The following SEMA5B variants were observed in gnomAD, a reference collection of about 807,000 sequenced individuals.
SEMA5B encodes the protein semaphorin 5B.
SEMA5B carries 66 observed loss-of-function variants against 135.0 expected under a neutral mutation model. The observed-to-expected ratio is 0.49, with a 90% CI of 0.40 to 0.60. The LOEUF is 0.60. Ranked by LOEUF, SEMA5B falls within the 20% of genes least tolerant of loss-of-function variation. The pLI is 0.00. For synonymous variants in SEMA5B, 690 were observed against 639.5 expected, an observed-to-expected ratio of 1.08 and a Z score of -1.19; for missense variants, 1,501 against 1,566.3, an observed-to-expected ratio of 0.96 and a Z score of 0.70.
chr3:122,919,766 A>G (rs1357472793), intron 12 of SEMA5B, among the ~76,000 whole-genome samples: 1 of 152,122 alleles, frequency 6.6e-6, no homozygotes, highest in African/African-American at 2.4e-5. Flanking sequence ...GGATTCACCT[A>G]TAGTTTTTTA....
chr3:123,016,490 AGTT>A (rs1263631458), intron 1 of SEMA5B, among the ~76,000 whole-genome samples: 2 of 152,222 alleles, frequency 1.3e-5, no homozygotes, highest in Non-Finnish European at 2.9e-5. Context: ...CTACGTAAAT[AGTT>A]GTTATACTGT....
rs527276367 is a variant in SEMA5B, at chr3:122,944,699, G to A, written c.329-1164C>T. Reference sequence around the variant, plus strand: ...AGAGGAGACCTCACGGCCTCTGGGCGGATGGGGAGTGGTCTGGGAGGGCCT... The same window carrying A: ...AGAGGAGACCTCACGGCCTCTGGGCAGATGGGGAGTGGTCTGGGAGGGCCT... On this transcript the variant is annotated intron_variant, in intron 3 of 22. Coordinates refer to ENST00000357599, the MANE Select transcript of SEMA5B (RefSeq NM_001031702.4). Among the ~76,000 whole-genome samples, 20 of 51,350 alleles carry A rather than the reference G, an allele frequency of 3.9e-4. No homozygotes were observed. The South Asian group carries it at 0.018, about 47-fold the overall frequency. The allele number at this position is 51,350 out of a possible 152,430, so 33.7% of individuals were successfully genotyped here.
intron 8 of SEMA5B, 37 bp from the exon 9 acceptor site, chr3:122,926,714 C>G (rs994349283): frequency 1.3e-6 from 2 of 1,595,736 alleles, no homozygotes; most frequent in African/African-American, 2.7e-5. Context: ...GCAGGGCAGG[C>G]CAGCGGGGAA....
intron 1 of SEMA5B, among the ~76,000 whole-genome samples, chr3:122,983,454 G>A (rs562151989): frequency 6.6e-6 from 1 of 152,058 alleles, no homozygotes; most frequent in South Asian, 2.1e-4. Context: ...CGCGGGGCGG[G>A]GACGGGGCGG....
intron 1 of SEMA5B, among the ~76,000 whole-genome samples, chr3:123,009,948 C>T (rs1288692784): frequency 6.6e-6 from 1 of 152,172 alleles, no homozygotes; most frequent in Non-Finnish European, 1.5e-5. Context: ...AGGGAGACGG[C>T]ATGGTGATGC....
intron 9 of SEMA5B, 25 bp downstream of exon 9, chr3:122,926,367 G>A: frequency 6.3e-7 from 1 of 1,594,342 alleles, no homozygotes; most frequent in Non-Finnish European, 8.6e-7. Flanking sequence ...TCACAGGCAA[G>A]GGGCTGGCAG....
At chr3:122,988,179 G>A (rs1023927735) in intron 1 of SEMA5B, among the ~76,000 whole-genome samples, 15 of 152,160 alleles carry the variant, frequency 9.9e-5, no homozygotes, top group African/African-American at 3.6e-4. Context: ...GCTGCTGCTG[G>A]TGCAAGGAAC....
intron 5 of SEMA5B, among the ~76,000 whole-genome samples, chr3:122,937,189 C>T (rs1020655741): frequency 1.3e-5 from 2 of 152,230 alleles, no homozygotes; most frequent in African/African-American, 2.4e-5. Context: ...CAAAGTGGTA[C>T]AGATCATTTT....
rs748043665 is a variant in SEMA5B at position 122,911,065 on chromosome 3, T to C, written c.3092-20A>G. 20 of 1,591,052 alleles carry C rather than the reference T, an allele frequency of 1.3e-5. No individual in the cohort carries two copies. The South Asian group carries it at 2.1e-4, about 17-fold the overall frequency. On this transcript the variant is annotated intron_variant, in intron 21 of 22. Transcript: ENST00000357599. ...TGAACCCTAGGGGAAGAGAGGCAGG[T>C]AGTAAGATGAGGGCCACTGTGAAGA...
chr3:122,921,932 G>T lies in SEMA5B; in HGVS notation c.1671C>A (p.Ala557=). The stretch of plus-strand genomic sequence containing the variant: ...CGGCTTACCCCTGGCTGCGGTAGGC[G>T]GCGCACCTCTCCAGTGGGACCCGCA... ...GVLRVPLERC[A]AYRSQGACLG... Residue 557 remains alanine (A), a synonymous_variant, in exon 12 of 23, where the codon GCC becomes GCA. Coordinates refer to ENST00000357599, the MANE Select transcript of SEMA5B (RefSeq NM_001031702.4). 2 of 1,533,992 alleles carry T rather than the reference G, an allele frequency of 1.3e-6. No homozygotes were observed. Among genetic ancestry groups the T allele is most frequent in the Non-Finnish European group, 1.7e-6 (2 of 1,145,364 alleles).
chr3:122,910,915 A>G lies in SEMA5B; in HGVS notation c.3222T>C (p.Pro1074=). 6.2e-7 allele frequency: 1 copy of G among 1,613,702 alleles called. No individual in the cohort carries two copies. Among genetic ancestry groups the G allele is most frequent in the Non-Finnish European group, 8.5e-7 (1 of 1,179,978 alleles). Residue 1074 remains proline, a synonymous_variant, in exon 22 of 23, where the codon CCT becomes CCC. Transcript: ENST00000357599. ...TGTAGTGCAAATGGTTGGGGGTGGC[A>G]GGATGGACCAGTGTGGACTCCTGGG... ...RQSQESTLVH[P]ATPNHLHYKG... is the part of the protein sequence containing the mutation.
chr3:122,918,946 A>T (rs1938208287), intron 12 of SEMA5B, among the ~76,000 whole-genome samples: 1 of 149,426 alleles, frequency 6.7e-6, no homozygotes, highest in African/African-American at 2.5e-5. Context: ...GGCAGTTTAG[A>T]GTCCTTTTCA....
chr3:122,912,451 A>G (rs913458532), intron 18 of SEMA5B, 109 bp from the exon 19 acceptor site: 2 of 1,042,070 alleles, frequency 1.9e-6, no homozygotes, highest in Admixed American at 3.2e-5. Context: ...AGTGACCTCA[A>G]CATCCACCCG....
At chr3:123,000,937 G>A (rs1327122705) in intron 1 of SEMA5B, among the ~76,000 whole-genome samples, 1 of 152,202 alleles carries the variant, frequency 6.6e-6, no homozygotes, top group Non-Finnish European at 1.5e-5. Context: ...AAATAAGGAT[G>A]AAGTGGGAGC....
chr3:122,969,105 T>C (rs1941005497), intron 1 of SEMA5B, among the ~76,000 whole-genome samples: 1 of 152,230 alleles, frequency 6.6e-6, no homozygotes, highest in Non-Finnish European at 1.5e-5. Context: ...ATTTTTCAAA[T>C]GTGATCTCAT....
intron 1 of SEMA5B, among the ~76,000 whole-genome samples, chr3:123,005,490 G>T (rs960853370): frequency 2.0e-5 from 3 of 152,100 alleles, no homozygotes; most frequent in African/African-American, 7.2e-5. Context: ...GCCTTCCAAA[G>T]TGCTGTGACT....
chr3:122,935,686 C>CTTTCTTTTT (rs1939233868), intron 5 of SEMA5B, among the ~76,000 whole-genome samples: 17 of 70,224 alleles, frequency 2.4e-4, no homozygotes, highest in Non-Finnish European at 4.1e-4. Flanking sequence ...TTCTTTCTTT[C>CTTTCTTTTT]TTTTTTTTTT....
chr3:122,916,851 G>A lies in SEMA5B; in HGVS notation c.1689-961C>T, dbSNP rs559319488. On this transcript the variant is annotated intron_variant, in intron 12 of 22. Transcript: ENST00000357599. ...TGTAGGCGGTCACATCCCAGTTCTCGGTTCCTCAACCCTGAGGGCTGGTCT... is the reference window on the plus strand; with the variant it reads ...TGTAGGCGGTCACATCCCAGTTCTCAGTTCCTCAACCCTGAGGGCTGGTCT... Among the ~76,000 whole-genome samples the A allele has an allele frequency of 3.9e-5, 6 of 152,166 alleles. No homozygotes were observed. The South Asian group carries it at 1.0e-3, about 26-fold the overall frequency.
intron 1 of SEMA5B, among the ~76,000 whole-genome samples, chr3:122,992,175 C>G (rs376865934): frequency 1.3e-5 from 2 of 152,270 alleles, no homozygotes; most frequent in East Asian, 3.9e-4. Flanking sequence ...GGGGACCCAC[C>G]ACTGTTTGCA....
Sources: allele counts gnomAD v4.1 joint callset (sites outside exome capture counted in the v4.1 genomes callset), GRCh38; gene constraint gnomAD v4.1.1; transcripts MANE v1.5; gene names NCBI Gene and HGNC (gene_info 2026-07-23, HGNC 2026-07-21).